The following CDH3 variants were observed in gnomAD, a reference collection of about 807,000 sequenced individuals.
CDH3 encodes the protein cadherin-3.
CDH3 carries 54 observed loss-of-function variants against 82.0 expected under a neutral mutation model. That is an observed-to-expected ratio of 0.66 (90% CI 0.53 to 0.83). The LOEUF (loss-of-function observed/expected upper bound fraction) is 0.83. Among genes scored for constraint, CDH3 ranks in the 40% least tolerant of loss-of-function variants. The pLI is 0.00. For missense variants in CDH3, 1,054 were observed against 1,084.6 expected, an observed-to-expected ratio of 0.97 and a Z score of 0.40; for synonymous variants, 446 against 437.9, an observed-to-expected ratio of 1.02 and a Z score of -0.23.
intron 11 of CDH3, 33 bp downstream of exon 11, chr16:68,685,383 C>T: frequency 6.2e-7 from 1 of 1,611,626 alleles, no homozygotes; most frequent in Non-Finnish European, 8.5e-7. Flanking sequence ...CCCACAAGGG[C>T]CACTTTTGGT....
downstream of CDH3, among the ~76,000 whole-genome samples, chr16:68,701,405 G>T (rs906150465): frequency 6.6e-6 from 1 of 152,176 alleles, no homozygotes; most frequent in Non-Finnish European, 1.5e-5. Flanking sequence ...AGACACCAGC[G>T]CTAACCACGC....
chr16:68,715,642 A>G (rs1411202359), intron 1 of CDH3, among the ~76,000 whole-genome samples: 1 of 152,204 alleles, frequency 6.6e-6, no homozygotes, highest in Non-Finnish European at 1.5e-5. Flanking sequence ...GGTGCACAGC[A>G]TTTTAATAAA....
Position 68,645,362 on chromosome 16 carries a change from A to AC in CDH3, c.-14dup, listed in dbSNP as rs763461012. On this transcript the variant is annotated 5_prime_UTR_variant, in exon 1 of 16. Transcript: ENST00000264012. ...GGCCCGCCGTCGCGGCAGCTGCTTC[A>AC]CCCCTCTCTCTGCAGCCATGGGGCT... 15 of 1,612,008 alleles carry AC rather than the reference A, an allele frequency of 9.3e-6. No individual in the cohort carries two copies. The highest frequency in any genetic ancestry group is 1.3e-5 in the African/African-American group (1 of 74,802).
Position 68,715,422 on chromosome 16 carries a change from C to CAAAAAAAAAAAAAA in CDH3, c.100-6993_100-6992insAAAAAAAAAAAAAA, listed in dbSNP as rs71148937. Among the ~76,000 whole-genome samples the CAAAAAAAAAAAAAA allele has an allele frequency of 5.6e-5, 8 of 141,814 alleles. 1 individual carries two copies. Among genetic ancestry groups the CAAAAAAAAAAAAAA allele is most frequent in the East Asian group, 2.1e-4 (1 of 4,844 alleles). 93.0% of individuals were successfully genotyped at this position (141,814 alleles called of 152,430 possible). The stretch of plus-strand genomic sequence containing the variant: ...AGCCTGGGCGACAGAGCACGACTCT[C>CAAAAAAAAAAAAAA]AAAAAAAAAAGAAAGGATTTGAATC... On this transcript the variant is annotated intron_variant, in intron 1 of 2. Transcript: ENST00000569080.
intron 2 of CDH3, among the ~76,000 whole-genome samples, chr16:68,663,161 C>T (rs971819629): frequency 6.6e-6 from 1 of 151,822 alleles, no homozygotes; most frequent in African/African-American, 2.4e-5. Context: ...GCCACTGTCC[C>T]CAGCCAGATT....
At chr16:68,712,388 A>T (rs559075009) in intron 1 of CDH3, among the ~76,000 whole-genome samples, 6 of 152,280 alleles carry the variant, frequency 3.9e-5, no homozygotes, top group Non-Finnish European at 7.4e-5. Flanking sequence ...GTGGCCAAGC[A>T]GAATTTCAAA....
chr16:68,678,411 C>A (rs1449504662), intron 4 of CDH3, 90 bp from the exon 5 acceptor site: 22 of 1,584,046 alleles, frequency 1.4e-5, no homozygotes, highest in Admixed American at 3.3e-5. Flanking sequence ...GCAGATTCTC[C>A]TATGGCAGTG....
chr16:68,657,879 G>A (rs372140646), intron 2 of CDH3, among the ~76,000 whole-genome samples: 60 of 152,168 alleles, frequency 3.9e-4, no homozygotes, highest in African/African-American at 1.3e-3. Context: ...TGTGTTGTAC[G>A]CTAGGAGGAG....
At chr16:68,664,141 C>T (rs956650956) in intron 2 of CDH3, among the ~76,000 whole-genome samples, 2 of 152,030 alleles carry the variant, frequency 1.3e-5, no homozygotes, top group Non-Finnish European at 2.9e-5. Flanking sequence ...TTCTGATGCC[C>T]GGATTCTGTT....
At chr16:68,656,726 T>C (rs1260488423) in intron 2 of CDH3, among the ~76,000 whole-genome samples, 1 of 152,236 alleles carries the variant, frequency 6.6e-6, no homozygotes, top group East Asian at 1.9e-4. Flanking sequence ...TGGAGTCTTC[T>C]GGCCCCAGCC....
At chr16:68,680,816 C>A in intron 7 of CDH3, 152 bp from the exon 8 acceptor site, 1 of 794,636 alleles carries the variant, frequency 1.3e-6, no homozygotes, top group Non-Finnish European at 2.2e-6. Flanking sequence ...GTTCTCCTGG[C>A]AGTGGGTGAG....
intron 2 of CDH3, among the ~76,000 whole-genome samples, chr16:68,662,630 C>A (rs890404911): frequency 6.7e-6 from 1 of 150,282 alleles, no homozygotes; most frequent in Non-Finnish European, 1.5e-5. Flanking sequence ...GCAAGAAGCT[C>A]CACCTCCGGG....
At chr16:68,724,676 G>A (rs1049508585) in intron 2 of CDH3, among the ~76,000 whole-genome samples, 3 of 151,090 alleles carry the variant, frequency 2.0e-5, no homozygotes, top group South Asian at 4.2e-4. Flanking sequence ...CCCACACTAC[G>A]TTGTCTGGCC....
intron 2 of CDH3, among the ~76,000 whole-genome samples, chr16:68,672,423 T>G (rs1960911560): frequency 6.6e-6 from 1 of 152,126 alleles, no homozygotes; most frequent in African/African-American, 2.4e-5. Context: ...CCCCCATAGA[T>G]TATTTGACTT....
At chr16:68,669,940 G>C (rs930287472) in intron 2 of CDH3, among the ~76,000 whole-genome samples, 4 of 151,994 alleles carry the variant, frequency 2.6e-5, no homozygotes, top group Admixed American at 2.0e-4. Context: ...GAAACAGCAA[G>C]ACCCTGTATC....
intron 3 of CDH3, among the ~76,000 whole-genome samples, chr16:68,677,415 A>C (rs764970761): frequency 6.6e-6 from 1 of 152,214 alleles, no homozygotes; most frequent in Non-Finnish European, 1.5e-5. Context: ...AAGCTGCCCT[A>C]TACCTTAATC....
chr16:68,679,917 C>G lies in CDH3; in HGVS notation c.810C>G (p.Phe270Leu), dbSNP rs1231671304. ...QEPKDPHDLM[F>L]TIHRSTGTIS... ...CAAAGGACCCACACGACCTCATGTT[C>G]ACCATTCACCGGAGCACAGGCACCA... The change falls in exon 7 of 16, where the codon TTC becomes TTG. Residue 270 changes from phenylalanine to leucine, a missense_variant. Physicochemically the swap from Phe to Leu is conservative, Grantham distance 22. Transcript: ENST00000264012. 1 of 1,614,120 alleles carries G rather than the reference C, an allele frequency of 6.2e-7. No homozygotes were observed. Among genetic ancestry groups the G allele is most frequent in the South Asian group, 1.1e-5 (1 of 91,078 alleles).
intron 1 of CDH3, among the ~76,000 whole-genome samples, chr16:68,710,999 A>AAGCGG (rs1962021878): frequency 4.0e-5 from 1 of 25,256 alleles, no homozygotes; most frequent in Non-Finnish European, 7.3e-5. Context: ...GACGGGAGGA[A>AAGCGG]AGGGGAGGGG....
At chr16:68,718,116 C>T (rs1962115960) in intron 1 of CDH3, among the ~76,000 whole-genome samples, 1 of 152,052 alleles carries the variant, frequency 6.6e-6, no homozygotes, top group Non-Finnish European at 1.5e-5. Flanking sequence ...TCAAGTGATC[C>T]TCCTACCTCA....
Sources: gnomAD v4.1 joint callset for allele counts (sites outside exome capture counted in the v4.1 genomes callset) on GRCh38, gnomAD v4.1.1 for gene constraint, MANE v1.5 for transcripts, NCBI Gene and HGNC (gene_info 2026-07-23, HGNC 2026-07-21) for gene names.